The following ZNF362 variants were observed in gnomAD, a reference collection of about 807,000 sequenced individuals.
The protein encoded by ZNF362 is zinc finger protein 362.
Under a neutral mutation model 42.9 loss-of-function variants are expected in ZNF362, and 11 were observed. The ratio of observed to expected loss-of-function variants is 0.26; its 90% CI spans 0.16 to 0.42. ZNF362 has a LOEUF of 0.42. Ranked by LOEUF, ZNF362 falls within the 20% of genes least tolerant of loss-of-function variation. The pLI is 1.00. For synonymous variants in ZNF362, 255 were observed against 257.3 expected, an observed-to-expected ratio of 0.99 and a Z score of 0.09; for missense variants, 362 against 576.2, an observed-to-expected ratio of 0.63 and a Z score of 3.81.
the ZNF362 span, among the ~76,000 whole-genome samples, chr1:33,154,062 CTA>C: frequency 6.6e-6 from 1 of 152,160 alleles, no homozygotes; most frequent in Non-Finnish European, 1.5e-5. Flanking sequence ...CCATCAAAGA[CTA>C]AGGATTGTGT....
At chr1:33,244,783 G>A in the ZNF362 span, among the ~76,000 whole-genome samples, 6 of 152,196 alleles carry the variant, frequency 3.9e-5, no homozygotes, top group Non-Finnish European at 7.3e-5. This position sits in a 1 kb window ranked among gnomAD's most constrained non-coding sequence, Gnocchi z 4.0. Flanking sequence ...AAAAGGGAGT[G>A]GGGGCAAGGG....
the ZNF362 span, among the ~76,000 whole-genome samples, chr1:33,203,342 T>C: frequency 6.6e-6 from 1 of 152,206 alleles, no homozygotes; most frequent in Non-Finnish European, 1.5e-5. Flanking sequence ...ATCATATATG[T>C]GCACCATGGT....
the ZNF362 span, among the ~76,000 whole-genome samples, chr1:33,162,484 C>T: frequency 1.3e-5 from 2 of 152,216 alleles, no homozygotes; most frequent in Admixed American, 6.5e-5. Context: ...AGTAAGTGGG[C>T]CCCTGCTGGG....
the ZNF362 span, chr1:33,146,850 G>A: frequency 2.6e-6 from 1 of 381,528 alleles, no homozygotes. Flanking sequence ...GGGCTGGGCT[G>A]GAGGGAGACA....
chr1:33,158,126 C>T, the ZNF362 span: 1 of 768,450 alleles, frequency 1.3e-6, no homozygotes, highest in Non-Finnish European at 2.2e-6. Context: ...TCCTGGAACA[C>T]ACTAGGTGCT....
the ZNF362 span, among the ~76,000 whole-genome samples, chr1:33,222,895 A>G: frequency 2.6e-5 from 4 of 152,274 alleles, no homozygotes; most frequent in South Asian, 4.1e-4. Context: ...TCATGGGGGC[A>G]GGTCTTTTCT....
the ZNF362 span, among the ~76,000 whole-genome samples, chr1:33,218,658 T>C: frequency 6.6e-6 from 1 of 152,230 alleles, no homozygotes; most frequent in Non-Finnish European, 1.5e-5. Flanking sequence ...GGATGTTTTC[T>C]TTTGTGAAAT....
intron 6 of ZNF362, among the ~76,000 whole-genome samples, chr1:33,291,622 T>G (rs906362723): frequency 4.6e-5 from 7 of 152,306 alleles, no homozygotes; most frequent in African/African-American, 1.7e-4. Flanking sequence ...GTAGCTTGAT[T>G]GGGATGACAT....
chr1:33,188,063 G>C, the ZNF362 span, among the ~76,000 whole-genome samples: 1 of 152,032 alleles, frequency 6.6e-6, no homozygotes, highest in African/African-American at 2.4e-5. Context: ...GTGAAACCCC[G>C]TCTCTACTAA....
In ZNF362 at chr1:33,276,107, G is replaced by C; in HGVS notation, c.46G>C (p.Glu16Gln). 6.2e-7 allele frequency: 1 copy of C among 1,614,036 alleles called. No homozygotes were observed. ...PSGKGHSRMA[E>Q]PRFNNPYFWP... ...GTCGCTCTCTTCCCGCAGGATGGCCGAGCCTCGATTTAACAACCCCTACTT... is the reference window on the plus strand; with the variant it reads ...GTCGCTCTCTTCCCGCAGGATGGCCCAGCCTCGATTTAACAACCCCTACTT... The change falls in exon 3 of 9, where the codon GAG (glutamate) becomes CAG (glutamine). Residue 16 changes from glutamate (E) to glutamine (Q), a missense_variant. Physicochemically the swap from Glu to Gln is conservative, Grantham distance 29 (BLOSUM62 2). Transcript: ENST00000539719.
the ZNF362 span, among the ~76,000 whole-genome samples, chr1:33,196,699 C>T: frequency 6.6e-6 from 1 of 152,014 alleles, no homozygotes; most frequent in East Asian, 1.9e-4. Context: ...CCAGTAACAG[C>T]TGTTTATTAT....
the ZNF362 span, among the ~76,000 whole-genome samples, chr1:33,174,558 A>C: frequency 2.4e-3 from 367 of 152,314 alleles, 3 homozygotes; most frequent in African/African-American, 8.4e-3. Context: ...GGTTACTGTT[A>C]GAATTAAATG....
the ZNF362 span, among the ~76,000 whole-genome samples, chr1:33,170,120 A>G: frequency 6.6e-6 from 1 of 152,162 alleles, no homozygotes; most frequent in Admixed American, 6.5e-5. Context: ...ACCTAAGGTC[A>G]GAAGTTCAAA....
the ZNF362 span, among the ~76,000 whole-genome samples, chr1:33,204,768 T>C: frequency 6.6e-6 from 1 of 152,216 alleles, no homozygotes; most frequent in Non-Finnish European, 1.5e-5. Context: ...ATCGTTACTG[T>C]ACTAGGGGTT....
chr1:33,189,716 TATACATACACAC>T, the ZNF362 span, among the ~76,000 whole-genome samples: 1 of 128,160 alleles, frequency 7.8e-6, no homozygotes, highest in Non-Finnish European at 1.6e-5. Context: ...TACGTATATA[TATACATACACAC>T]ATACACATAT....
At chr1:33,198,779 A>G in the ZNF362 span, among the ~76,000 whole-genome samples, 2 of 152,210 alleles carry the variant, frequency 1.3e-5, no homozygotes, top group African/African-American at 4.8e-5. Flanking sequence ...ACTGAATTCC[A>G]TATGTTCAAA....
chr1:33,278,803 G>A (rs1415654995), intron 4 of ZNF362, among the ~76,000 whole-genome samples: 1 of 152,172 alleles, frequency 6.6e-6, no homozygotes, highest in East Asian at 1.9e-4. Context: ...GTATCACATC[G>A]ATCTTGTTTT....
At chr1:33,189,651 A>ACG in the ZNF362 span, among the ~76,000 whole-genome samples, 6 of 20,708 alleles carry the variant, frequency 2.9e-4, no homozygotes, top group Non-Finnish European at 9.2e-4. Flanking sequence ...ATATATATAT[A>ACG]TATATATATA....
At chr1:33,236,849 C>A in the ZNF362 span, among the ~76,000 whole-genome samples, 3 of 151,812 alleles carry the variant, frequency 2.0e-5, no homozygotes, top group South Asian at 2.1e-4. Context: ...GGTGGGTAGA[C>A]CCCTTGAGAT....
Sources: allele counts gnomAD v4.1 joint callset (sites outside exome capture counted in the v4.1 genomes callset), GRCh38; gene constraint gnomAD v4.1.1; non-coding constraint Gnocchi (gnomAD v3.1); transcripts MANE v1.5; gene names NCBI Gene and HGNC (gene_info 2026-07-23, HGNC 2026-07-21).